Variants in RBFOX1 observed in about 807,000 individuals in gnomAD.
RBFOX1 encodes RNA binding protein fox-1 homolog 1.
RBFOX1 carries 8 observed loss-of-function variants against 57.7 expected under a neutral mutation model. That is an observed-to-expected ratio of 0.14 (90% CI 0.08 to 0.25). RBFOX1 has a LOEUF of 0.25. RBFOX1 is among the 10% of genes least tolerant of loss of function. The pLI, the probability that RBFOX1 is intolerant of heterozygous loss-of-function variation, is 1.00. For synonymous variants in RBFOX1, 326 were observed against 222.4 expected (o/e 1.47, Z -4.15); for missense variants, 611 against 548.5 (o/e 1.11, Z -1.14).
At chr16:6,639,942 C>A (rs925832438) in intron 2 of RBFOX1, among the ~76,000 whole-genome samples, 2 of 151,990 alleles carry the variant, frequency 1.3e-5, no homozygotes. Context: ...GTATTTTGAC[C>A]CCTAACTATG....
intron 2 of RBFOX1, among the ~76,000 whole-genome samples, chr16:5,548,496 C>A (rs560449916): frequency 6.6e-6 from 1 of 151,780 alleles, no homozygotes; most frequent in Non-Finnish European, 1.5e-5. Flanking sequence ...TTAAGTATAA[C>A]GTAAAAGTGT....
intron 3 of RBFOX1, among the ~76,000 whole-genome samples, chr16:5,840,965 T>C (rs1014879091): frequency 2.6e-5 from 4 of 152,164 alleles, no homozygotes; most frequent in Admixed American, 2.0e-4. Context: ...GCAGGGGTAG[T>C]GAACCTCCCA....
intron 4 of RBFOX1, among the ~76,000 whole-genome samples, chr16:5,895,128 A>T (rs901131273): frequency 1.3e-5 from 2 of 152,252 alleles, no homozygotes; most frequent in Admixed American, 1.3e-4. Flanking sequence ...TTTTTATAAT[A>T]GAAAAGCCAT....
chr16:5,499,477 A>G (rs2043114280), intron 2 of RBFOX1, among the ~76,000 whole-genome samples: 1 of 152,236 alleles, frequency 6.6e-6, no homozygotes, highest in African/African-American at 2.4e-5. Flanking sequence ...GAGATGGACA[A>G]ACAGAGGCTT....
chr16:6,823,397 T>C (rs1255051587), intron 3 of RBFOX1, among the ~76,000 whole-genome samples: 2 of 151,944 alleles, frequency 1.3e-5, no homozygotes, highest in Non-Finnish European at 2.9e-5. Context: ...GCTAGTATTA[T>C]ATATGTGCGC....
intron 4 of RBFOX1, among the ~76,000 whole-genome samples, chr16:6,003,538 G>A (rs2060638725): frequency 7.0e-6 from 1 of 142,336 alleles, no homozygotes; most frequent in African/African-American, 2.6e-5. Context: ...CAGGAGTCTA[G>A]GGTCATTGCT....
chr16:6,087,766 C>G (rs1396360557), intron 1 of RBFOX1, among the ~76,000 whole-genome samples: 1 of 151,918 alleles, frequency 6.6e-6, no homozygotes, highest in Non-Finnish European at 1.5e-5. Flanking sequence ...AATTCTCCTG[C>G]CTCAGCCTCC....
At chr16:7,521,794 T>C (rs542264230) in intron 5 of RBFOX1, among the ~76,000 whole-genome samples, 1 of 152,158 alleles carries the variant, frequency 6.6e-6, no homozygotes, top group Non-Finnish European at 1.5e-5. Flanking sequence ...AAGAGAAAAC[T>C]CAGTAGGAAG....
chr16:6,891,333 G>T (rs921799466), intron 3 of RBFOX1, among the ~76,000 whole-genome samples: 1 of 152,188 alleles, frequency 6.6e-6, no homozygotes, highest in African/African-American at 2.4e-5. Context: ...ACTTAGAGTA[G>T]TTAATCTACT....
chr16:5,672,878 TGTGTGTGTGTG>T (rs2050055248), intron 3 of RBFOX1, among the ~76,000 whole-genome samples: 2 of 151,950 alleles, frequency 1.3e-5, no homozygotes, highest in Non-Finnish European at 2.9e-5. Context: ...TGTGTGTGTG[TGTGTGTGTGTG>T]TCTGGGTTTT....
intron 4 of RBFOX1, among the ~76,000 whole-genome samples, chr16:7,121,235 T>C (rs1372358646): frequency 3.3e-5 from 5 of 152,046 alleles, no homozygotes; most frequent in African/African-American, 4.8e-5. Flanking sequence ...ACCAAACTTA[T>C]GCCACATAGT....
At chr16:7,012,885 A>T (rs2093718917) in intron 3 of RBFOX1, among the ~76,000 whole-genome samples, 2 of 152,074 alleles carry the variant, frequency 1.3e-5, no homozygotes, top group Admixed American at 1.3e-4. Flanking sequence ...ATAGCTGGGG[A>T]GGCTGGAAGT....
intron 4 of RBFOX1, among the ~76,000 whole-genome samples, chr16:7,354,731 C>T (rs562420529): frequency 6.6e-6 from 1 of 152,120 alleles, no homozygotes; most frequent in Non-Finnish European, 1.5e-5. Flanking sequence ...AGTCACGTGT[C>T]TCTATTTAAA....
Position 6,103,944 on chromosome 16 carries a change from G to C in RBFOX1, c.-127+83952G>C, listed in dbSNP as rs150319733. ...TCTTTTGACTCTGGGCTATTACTTCGCCCTAGCCATTGGGGCTCAGCCTCT... is the reference window on the plus strand; with the variant it reads ...TCTTTTGACTCTGGGCTATTACTTCCCCCTAGCCATTGGGGCTCAGCCTCT... On this transcript the variant is annotated intron_variant, in intron 1 of 15. Transcript: ENST00000550418. Among the ~76,000 whole-genome samples, 5 of 152,186 alleles carry C rather than the reference G, an allele frequency of 3.3e-5. No individual in the cohort carries two copies. In the East Asian group the frequency reaches 9.6e-4, roughly 29 times the overall value.
At chr16:7,531,943 A>G (rs1457048194) in intron 5 of RBFOX1, among the ~76,000 whole-genome samples, 1 of 152,062 alleles carries the variant, frequency 6.6e-6, no homozygotes, top group Non-Finnish European at 1.5e-5. Context: ...CCATAGAGTG[A>G]AAGAGGCCTT....
intron 1 of RBFOX1, among the ~76,000 whole-genome samples, chr16:6,311,452 GC>G (rs2080301477): frequency 6.6e-6 from 1 of 152,132 alleles, no homozygotes; most frequent in Non-Finnish European, 1.5e-5. Flanking sequence ...GGGATGGGAA[GC>G]AAAAGGAGAT....
At chr16:7,241,328 C>T (rs1340850339) in intron 4 of RBFOX1, among the ~76,000 whole-genome samples, 1 of 152,086 alleles carries the variant, frequency 6.6e-6, no homozygotes, top group Non-Finnish European at 1.5e-5. Flanking sequence ...AAGCAGGAAG[C>T]AGGTCACCTC....
chr16:6,703,332 G>C (rs753404657), intron 3 of RBFOX1, among the ~76,000 whole-genome samples: 2 of 152,086 alleles, frequency 1.3e-5, no homozygotes, highest in Non-Finnish European at 2.9e-5. Context: ...CCAGCACTTA[G>C]GGAGGCTGAG....
At chr16:6,515,403 G>A (rs1210395416) in intron 2 of RBFOX1, among the ~76,000 whole-genome samples, 1 of 152,114 alleles carries the variant, frequency 6.6e-6, no homozygotes, top group East Asian at 1.9e-4. Flanking sequence ...AAACATATGA[G>A]CCTGAGATTT....
Sources: allele counts gnomAD v4.1 joint callset (sites outside exome capture counted in the v4.1 genomes callset), GRCh38; gene constraint gnomAD v4.1.1; transcripts MANE v1.5; gene names NCBI Gene and HGNC (gene_info 2026-07-23, HGNC 2026-07-21).